SLC9A9: variants seen among roughly 807,000 people sequenced by gnomAD.
SLC9A9 encodes solute carrier family 9 member A9, also known as sodium/hydrogen exchanger 9.
A neutral mutation model predicts 77.8 loss-of-function variants in SLC9A9; 62 were observed. The observed-to-expected ratio is 0.80, with a 90% CI of 0.65 to 0.98. SLC9A9 has a LOEUF of 0.98. SLC9A9 is among the 50% of genes least tolerant of loss of function. The probability of loss-of-function intolerance (pLI) is 0.00; values close to 1 mark genes in which losing one functional copy is unlikely to be tolerated. For synonymous variants in SLC9A9, 320 were observed against 283.5 expected (o/e 1.13, Z -1.29); for missense variants, 775 against 774.9 (o/e 1.00, Z 0.00).
intron 6 of SLC9A9, among the ~76,000 whole-genome samples, chr3:143,612,414 C>A (rs749948628): frequency 6.6e-6 from 1 of 152,244 alleles, no homozygotes; most frequent in East Asian, 1.9e-4. Flanking sequence ...GTGGGATAAC[C>A]CTAAGTGAAT....
chr3:143,738,944 C>G (rs565923490), intron 4 of SLC9A9, among the ~76,000 whole-genome samples: 127 of 152,304 alleles, frequency 8.3e-4, no homozygotes, highest in African/African-American at 3.1e-3. Context: ...GTCCTTCAGA[C>G]TGAAGCTCTC....
chr3:143,848,153 A>C lies in SLC9A9; in HGVS notation c.170T>G (p.Val57Gly), dbSNP rs913770057. 17 of 1,613,502 alleles carry C rather than the reference A, an allele frequency of 1.1e-5. No homozygotes were observed. In the African/African-American group the frequency reaches 2.3e-4, roughly 22 times the overall value. The change falls in exon 1 of 16, where the codon GTG becomes GGG. Residue 57 changes from valine to glycine, a missense_variant. Physicochemically the swap from Val to Gly is moderately radical, Grantham distance 109. Coordinates refer to ENST00000316549, the MANE Select transcript of SLC9A9 (RefSeq NM_173653.4). ...RFLHETGGAMVYGLIMGLILR... is the reference protein window; with the variant it reads ...RFLHETGGAMGYGLIMGLILR... ...CTCACAATTTATGCACTCACCATACACCATTGCTCCTCCAGTTTCATGCAA... is the reference window on the plus strand; with the variant it reads ...CTCACAATTTATGCACTCACCATACCCCATTGCTCCTCCAGTTTCATGCAA...
At chr3:143,322,937 A>C (rs1245043685) in intron 14 of SLC9A9, among the ~76,000 whole-genome samples, 2 of 152,128 alleles carry the variant, frequency 1.3e-5, no homozygotes, top group Admixed American at 1.3e-4. Context: ...ACAAAACAAA[A>C]CAAACAAAAA....
At chr3:143,813,522 T>G (rs1285047226) in intron 2 of SLC9A9, among the ~76,000 whole-genome samples, 2 of 152,078 alleles carry the variant, frequency 1.3e-5, no homozygotes, top group Non-Finnish European at 2.9e-5. Flanking sequence ...GCTTGATGAG[T>G]GAATCCCCTC....
intron 9 of SLC9A9, among the ~76,000 whole-genome samples, chr3:143,537,691 C>T (rs781591566): frequency 7.9e-5 from 12 of 152,134 alleles, no homozygotes; most frequent in East Asian, 1.9e-4. Flanking sequence ...CTCAGCATTC[C>T]GGGGATGGGG....
At chr3:143,678,083 C>A (rs1932943768) in intron 5 of SLC9A9, among the ~76,000 whole-genome samples, 2 of 152,208 alleles carry the variant, frequency 1.3e-5, no homozygotes, top group Admixed American at 1.3e-4. Flanking sequence ...GCCTCAGCCT[C>A]CCAAAGTGCT....
rs751440050 is a variant in SLC9A9 at position 143,639,270 on chromosome 3, C to T, written c.755+12985G>A. Among the ~76,000 whole-genome samples the T allele has an allele frequency of 2.6e-5, 4 of 152,142 alleles. No homozygotes were observed. In the South Asian group the frequency reaches 6.2e-4, roughly 24 times the overall value. On this transcript the variant is annotated intron_variant, in intron 6 of 15. Coordinates refer to ENST00000316549, the MANE Select transcript of SLC9A9 (RefSeq NM_173653.4). ...GTATTTTAGATTATGTTATTAGAAG[C>T]GAGTGTGGCAACCTTTGGAAATCTT...
chr3:143,266,685 T>C lies in SLC9A9; in HGVS notation c.*17A>G, dbSNP rs369381194. The C allele has an allele frequency of 6.2e-7, 1 of 1,613,568 alleles. No individual in the cohort carries two copies. Among genetic ancestry groups the C allele is most frequent in the Non-Finnish European group, 8.5e-7 (1 of 1,179,592 alleles). ...GTCTTGCATTACTTGTGATTACATC[T>C]GTACTCTTCATGCCAATTAATTCAA... On this transcript the variant is annotated 3_prime_UTR_variant, in exon 16 of 16. Transcript: ENST00000316549.
chr3:143,374,374 A>G (rs533006953), intron 13 of SLC9A9, among the ~76,000 whole-genome samples: 67 of 146,538 alleles, frequency 4.6e-4, no homozygotes, highest in African/African-American at 1.6e-3. Context: ...GCAGTGAGCC[A>G]AGATCGCACC....
At chr3:143,702,835 C>A (rs1933843118) in intron 4 of SLC9A9, among the ~76,000 whole-genome samples, 1 of 151,878 alleles carries the variant, frequency 6.6e-6, no homozygotes, top group Non-Finnish European at 1.5e-5. Flanking sequence ...AATAAACACG[C>A]TTCACCTATA....
intron 1 of SLC9A9, among the ~76,000 whole-genome samples, chr3:143,843,543 T>C (rs181596253): frequency 1.1e-4 from 16 of 152,208 alleles, no homozygotes; most frequent in Non-Finnish European, 7.3e-5. Context: ...AAATTTGTTA[T>C]GTGCCCACTA....
intron 12 of SLC9A9, among the ~76,000 whole-genome samples, chr3:143,459,157 T>C (rs1450196844): frequency 1.3e-5 from 2 of 152,020 alleles, no homozygotes; most frequent in Non-Finnish European, 2.9e-5. Flanking sequence ...TTGTGTATGC[T>C]CTTACTTCTT....
chr3:143,766,356 A>G (rs1288966537), intron 4 of SLC9A9, among the ~76,000 whole-genome samples: 1 of 152,256 alleles, frequency 6.6e-6, no homozygotes, highest in Non-Finnish European at 1.5e-5. Context: ...ATGTAAAGTC[A>G]GACAACAAGG....
intron 6 of SLC9A9, among the ~76,000 whole-genome samples, chr3:143,651,805 C>T (rs1242071): frequency 0.031 from 4,707 of 152,304 alleles, 106 homozygotes; most frequent in Middle Eastern, 0.088. Flanking sequence ...TCCTATACAG[C>T]ATTACCTTTG....
chr3:143,294,485 C>A (rs1011746237), intron 14 of SLC9A9, among the ~76,000 whole-genome samples: 1 of 152,142 alleles, frequency 6.6e-6, no homozygotes, highest in Non-Finnish European at 1.5e-5. Flanking sequence ...CTGCTTCAGA[C>A]AAAATGAGAA....
rs145291176 is a variant in SLC9A9 at position 143,536,561 on chromosome 3, T to C, written c.1089+15801A>G. On this transcript the variant is annotated intron_variant, in intron 9 of 15. Transcript: ENST00000316549. ...TACAATGAATCTGTGCATCTTAAAG[T>C]GAAACCTCCATTTGTGAGCTTCAGG... Among the ~76,000 whole-genome samples, 208 of 152,222 alleles carry C rather than the reference T, an allele frequency of 1.4e-3. 1 individual carries two copies. Among genetic ancestry groups the C allele is most frequent in the African/African-American group, 4.8e-3 (197 of 41,468 alleles).
intron 14 of SLC9A9, among the ~76,000 whole-genome samples, chr3:143,360,277 A>C (rs1459913470): frequency 6.6e-6 from 1 of 152,240 alleles, no homozygotes; most frequent in African/African-American, 2.4e-5. Flanking sequence ...AATTAAATGA[A>C]ATAACATTCC....
intron 5 of SLC9A9, among the ~76,000 whole-genome samples, chr3:143,686,712 AT>A (rs1041139690): frequency 3.3e-5 from 5 of 152,272 alleles, no homozygotes; most frequent in Middle Eastern, 3.4e-3. Flanking sequence ...GGATAGTCAA[AT>A]TTACCAAACG....
chr3:143,705,041 A>ATCTATC (rs765935008), intron 4 of SLC9A9, among the ~76,000 whole-genome samples: 3,391 of 59,940 alleles, frequency 0.057, 77 homozygotes, highest in East Asian at 0.1. Flanking sequence ...CTATCTATCT[A>ATCTATC]TATAGATATA....
Sources: allele counts gnomAD v4.1 joint callset (sites outside exome capture counted in the v4.1 genomes callset), GRCh38; gene constraint gnomAD v4.1.1; transcripts MANE v1.5; gene names NCBI Gene and HGNC (gene_info 2026-07-23, HGNC 2026-07-21).